Variants in XKR9 observed in about 807,000 individuals in gnomAD.
XKR9 encodes the protein XK related 9, also known as XK-related protein 9.
A neutral mutation model predicts 32.0 loss-of-function variants in XKR9; 32 were observed. That is an observed-to-expected ratio of 1.00 (90% CI 0.76 to 1.34). The LOEUF (loss-of-function observed/expected upper bound fraction) is 1.34, where lower values mean the gene tolerates loss of function less well. XKR9 is among the 40% of genes most tolerant of loss of function. The pLI, the probability that XKR9 is intolerant of heterozygous loss-of-function variation, is 0.00. For missense variants in XKR9, 546 were observed against 429.7 expected, an observed-to-expected ratio of 1.27 and a Z score of -2.39; for synonymous variants, 168 against 143.4, an observed-to-expected ratio of 1.17 and a Z score of -1.22.
At chr8:70,867,524 T>C in the XKR9 span, among the ~76,000 whole-genome samples, 5 of 152,210 alleles carry the variant, frequency 3.3e-5, no homozygotes, top group Non-Finnish European at 1.5e-5. Context: ...CCATCTTGGC[T>C]CACTGCAACC....
chr8:70,762,938 G>C (rs1250032651), intron 2 of XKR9, among the ~76,000 whole-genome samples: 1 of 152,110 alleles, frequency 6.6e-6, no homozygotes, highest in Admixed American at 6.6e-5. Flanking sequence ...AATATATAGA[G>C]ACACTATTGA....
the XKR9 span, among the ~76,000 whole-genome samples, chr8:70,810,386 C>T: frequency 6.6e-3 from 1,003 of 152,252 alleles, 11 homozygotes; most frequent in African/African-American, 0.023. Context: ...CATCAACTAA[C>T]TAGCAAAATA....
the XKR9 span, among the ~76,000 whole-genome samples, chr8:71,032,164 G>T: frequency 1.1e-4 from 16 of 151,460 alleles, no homozygotes; most frequent in Non-Finnish European, 1.8e-4. Context: ...TGTGCCTGTA[G>T]TCCCAGCTAC....
the XKR9 span, among the ~76,000 whole-genome samples, chr8:71,042,981 T>A: frequency 6.6e-6 from 1 of 152,196 alleles, no homozygotes; most frequent in Non-Finnish European, 1.5e-5. Context: ...GAGGAGCAAC[T>A]CTGATAAGCT....
chr8:70,995,187 A>G, the XKR9 span, among the ~76,000 whole-genome samples: 1 of 152,162 alleles, frequency 6.6e-6, no homozygotes, highest in Non-Finnish European at 1.5e-5. Context: ...GGCTGAGAGA[A>G]AGGAAGCAAA....
intron 2 of XKR9, among the ~76,000 whole-genome samples, chr8:70,786,613 T>G (rs1185769538): frequency 6.6e-6 from 1 of 152,170 alleles, no homozygotes; most frequent in Non-Finnish European, 1.5e-5. Flanking sequence ...TGGTTTCCAC[T>G]TGCATGGAAT....
At position 70,722,941 on chromosome 8, in the gene XKR9, C is replaced by T. The variant is rs370277428; in HGVS notation, c.494-10855C>T. On this transcript the variant is annotated intron_variant, in intron 4 of 4. Transcript: ENST00000408926. ...ATCATTTTCAGATACACCAGTGAATCGTAGGTTTGGTCTTTTCACAGAGTC... is the reference window on the plus strand; with the variant it reads ...ATCATTTTCAGATACACCAGTGAATTGTAGGTTTGGTCTTTTCACAGAGTC... Among the ~76,000 whole-genome samples, 32 of 151,892 alleles carry T rather than the reference C, an allele frequency of 2.1e-4. 2 individuals carry two copies. The highest frequency in any genetic ancestry group is 2.0e-3 in the Admixed American group (31 of 15,214).
At chr8:70,696,793 T>C (rs1490710972) in intron 3 of XKR9, among the ~76,000 whole-genome samples, 1 of 151,658 alleles carries the variant, frequency 6.6e-6, no homozygotes, top group Non-Finnish European at 1.5e-5. Flanking sequence ...ATTTTCACGA[T>C]ATTGATTCTT....
chr8:70,824,236 C>T, the XKR9 span, among the ~76,000 whole-genome samples: 1 of 152,002 alleles, frequency 6.6e-6, no homozygotes, highest in Non-Finnish European at 1.5e-5. Context: ...TCTATTTTAC[C>T]TGTTTTAAAT....
the XKR9 span, among the ~76,000 whole-genome samples, chr8:70,933,648 T>G: frequency 7.9e-5 from 12 of 152,080 alleles, no homozygotes; most frequent in Non-Finnish European, 4.4e-5. Flanking sequence ...TAAGAATCAC[T>G]TAGAGGGTGC....
chr8:70,993,659 T>TTCCTTCCTCCCA, the XKR9 span, among the ~76,000 whole-genome samples: 1 of 144,068 alleles, frequency 6.9e-6, no homozygotes, highest in Non-Finnish European at 1.5e-5. Context: ...CCTTCCTTCC[T>TTCCTTCCTCCCA]TCCTTCCTTC....
chr8:70,755,225 C>G (rs9773315), intron 2 of XKR9, among the ~76,000 whole-genome samples: 151,298 of 152,344 alleles, frequency 0.99, 75,129 homozygotes, highest in Middle Eastern at 1. Context: ...TCTCACACCA[C>G]TTAGAGTGGC....
chr8:70,748,408 T>C (rs1000429081), intron 2 of XKR9, among the ~76,000 whole-genome samples: 1 of 152,246 alleles, frequency 6.6e-6, no homozygotes, highest in African/African-American at 2.4e-5. Context: ...TGGCGCCTTC[T>C]CTGGTGTGGA....
At chr8:70,917,899 T>G in the XKR9 span, among the ~76,000 whole-genome samples, 1 of 152,214 alleles carries the variant, frequency 6.6e-6, no homozygotes, top group African/African-American at 2.4e-5. Context: ...GAAGGGTTAT[T>G]AAGAGGATTA....
the XKR9 span, among the ~76,000 whole-genome samples, chr8:70,863,553 C>T: frequency 6.6e-6 from 1 of 152,178 alleles, no homozygotes; most frequent in Non-Finnish European, 1.5e-5. Context: ...TCAGTGATAG[C>T]CTCTAAATGC....
the XKR9 span, among the ~76,000 whole-genome samples, chr8:70,831,176 A>G: frequency 6.6e-6 from 1 of 151,858 alleles, no homozygotes; most frequent in East Asian, 1.9e-4. Flanking sequence ...CTGTAATCCC[A>G]GCTACTCAGG....
the XKR9 span, among the ~76,000 whole-genome samples, chr8:70,942,032 T>C: frequency 4.6e-5 from 7 of 152,172 alleles, no homozygotes; most frequent in Non-Finnish European, 1.0e-4. Context: ...AGAAGCTATA[T>C]ACCTGATGCT....
chr8:70,767,496 C>CTTTTCTTTTTT (rs1807394169), intron 2 of XKR9, among the ~76,000 whole-genome samples: 1 of 99,350 alleles, frequency 1.0e-5, no homozygotes. Context: ...TCTTTTCCTT[C>CTTTTCTTTTTT]TTTTTTTTTT....
At chr8:70,682,825 G>A (rs1351272811) in intron 3 of XKR9, among the ~76,000 whole-genome samples, 1 of 152,178 alleles carries the variant, frequency 6.6e-6, no homozygotes, top group East Asian at 1.9e-4. Context: ...TGGCACATAC[G>A]TTGTTGGAAA....
Sources: allele counts gnomAD v4.1 joint callset (sites outside exome capture counted in the v4.1 genomes callset), GRCh38; gene constraint gnomAD v4.1.1; transcripts MANE v1.5; gene names NCBI Gene and HGNC (gene_info 2026-07-23, HGNC 2026-07-21).